The following NT5C2 variants were observed in gnomAD, a reference collection of about 807,000 sequenced individuals.
NT5C2 encodes the protein cytosolic purine 5'-nucleotidase.
Under a neutral mutation model 76.1 loss-of-function variants are expected in NT5C2, and 58 were observed. That is an observed-to-expected ratio of 0.76 (90% CI 0.62 to 0.95). The LOEUF is 0.95. Ranked by LOEUF, NT5C2 falls within the 40% of genes least tolerant of loss-of-function variation. The pLI is 0.00. For synonymous variants in NT5C2, 229 were observed against 237.4 expected (o/e 0.96, Z 0.32); for missense variants, 478 against 690.3 (o/e 0.69, Z 3.45).
intron 4 of NT5C2, chr10:103,111,731 A>G: frequency 8.1e-7 from 1 of 1,231,662 alleles, no homozygotes; most frequent in East Asian, 3.2e-5. Context: ...GCTGCTGCCA[A>G]AATGAGAACT....
chr10:103,144,034 G>C (rs1390328865), intron 3 of NT5C2, among the ~76,000 whole-genome samples: 1 of 152,032 alleles, frequency 6.6e-6, no homozygotes, highest in African/African-American at 2.4e-5. Flanking sequence ...ATATCACCCT[G>C]TTATTACTGA....
intron 2 of NT5C2, among the ~76,000 whole-genome samples, chr10:103,178,946 C>CTTTTTCTCT (rs1316454259): frequency 1.5e-5 from 2 of 136,198 alleles, no homozygotes; most frequent in African/African-American, 5.5e-5. Context: ...TTTCTTTTTT[C>CTTTTTCTCT]TTTTTTTCTT....
At chr10:103,092,497 G>A (rs1007585447) in intron 15 of NT5C2, among the ~76,000 whole-genome samples, 2 of 152,216 alleles carry the variant, frequency 1.3e-5, no homozygotes, top group Non-Finnish European at 2.9e-5. Context: ...TTCAAGTTAT[G>A]GAGCCAGGGC....
At chr10:103,107,276 A>G (rs2071537286) in intron 4 of NT5C2, among the ~76,000 whole-genome samples, 1 of 152,230 alleles carries the variant, frequency 6.6e-6, no homozygotes, top group African/African-American at 2.4e-5. Context: ...CAGCTCTAAC[A>G]ATGTATGCCA....
chr10:103,110,391 G>A (rs2072671726), intron 4 of NT5C2, among the ~76,000 whole-genome samples: 1 of 152,180 alleles, frequency 6.6e-6, no homozygotes, highest in East Asian at 1.9e-4. Flanking sequence ...AGGAGGCGGA[G>A]GTTGCAGTGA....
In NT5C2 at chr10:103,105,820, A is replaced by G. The variant is rs1484950981; in HGVS notation, c.294-19T>C. The G allele has an allele frequency of 6.6e-7, 1 of 1,521,060 alleles. No homozygotes were observed. The highest frequency in any genetic ancestry group is 9.1e-7 in the Non-Finnish European group (1 of 1,096,216). The allele number at this position is 1,521,060 out of a possible 1,614,324, so 94.2% of individuals were successfully genotyped here. A position where few individuals can be genotyped will look rare whatever the true frequency, so the allele number is the denominator to read the frequency against. On this transcript the variant is annotated intron_variant, in intron 5 of 18. Transcript: ENST00000404739. ...AAGTCCCCTATGTGAAAATGAAGAC[A>G]TTATTGATAATGCAAAGTAATACAG...
intron 12 of NT5C2, among the ~76,000 whole-genome samples, chr10:103,094,880 CA>C (rs35752695): frequency 2.9e-4 from 40 of 136,718 alleles, no homozygotes; most frequent in African/African-American, 8.7e-4. Flanking sequence ...GACTCCATCT[CA>C]AAAAAAAAAA....
At chr10:103,185,878 C>T (rs2135412410) in intron 1 of NT5C2, among the ~76,000 whole-genome samples, 1 of 152,122 alleles carries the variant, frequency 6.6e-6, no homozygotes, top group South Asian at 2.1e-4. Flanking sequence ...AGGTTTAGTC[C>T]ACCTATTTGG....
At chr10:103,108,634 A>G (rs1004710153) in intron 4 of NT5C2, among the ~76,000 whole-genome samples, 1 of 152,202 alleles carries the variant, frequency 6.6e-6, no homozygotes, top group African/African-American at 2.4e-5. Context: ...ACATTAATGT[A>G]TATCTATTTT....
At chr10:103,104,819 C>T (rs1371876976) in intron 6 of NT5C2, among the ~76,000 whole-genome samples, 1 of 152,162 alleles carries the variant, frequency 6.6e-6, no homozygotes, top group Non-Finnish European at 1.5e-5. Flanking sequence ...TCTTTTTAAA[C>T]ATTTCAATGT....
chr10:103,129,563 G>A (rs1198510275), intron 4 of NT5C2, among the ~76,000 whole-genome samples: 32 of 123,246 alleles, frequency 2.6e-4, no homozygotes, highest in Middle Eastern at 5.2e-3. Flanking sequence ...CGCCCCGTCC[G>A]GGAGGGAGGT....
chr10:103,094,361 C>T lies in NT5C2; in HGVS notation c.908G>A (p.Arg303His), dbSNP rs780974514. 10 of 1,596,096 alleles carry T rather than the reference C, an allele frequency of 6.3e-6. No homozygotes were observed. Among genetic ancestry groups the T allele is most frequent in the South Asian group, 2.2e-5 (2 of 90,680 alleles). Residue 303 changes from arginine to histidine, a missense_variant, in exon 13 of 19, where the codon CGT becomes CAT. Arg to His is a conservative substitution (Grantham distance 29). Transcript: ENST00000404739. ...PLFFGEGTVL[R>H]QVDTKTGKLK... is the part of the protein sequence containing the mutation. Reference sequence around the variant, plus strand: ...CTCATGACTTACAGTATCCACCTGACGCAGTACTGTGCCTTCTCCAAAAAA... The same window carrying T: ...CTCATGACTTACAGTATCCACCTGATGCAGTACTGTGCCTTCTCCAAAAAA...
At chr10:103,181,933 C>G (rs1031135437) in intron 1 of NT5C2, among the ~76,000 whole-genome samples, 1 of 151,836 alleles carries the variant, frequency 6.6e-6, no homozygotes, top group Admixed American at 6.6e-5. Context: ...CTTCTCCCAC[C>G]CGGGAGGCGG....
At chr10:103,191,427 A>C (rs1177774325) in intron 1 of NT5C2, among the ~76,000 whole-genome samples, 1 of 152,036 alleles carries the variant, frequency 6.6e-6, no homozygotes, top group Non-Finnish European at 1.5e-5. Context: ...TTAAAAAAAA[A>C]AACCTGTGTT....
chr10:103,107,684 T>A (rs903812548), intron 4 of NT5C2, among the ~76,000 whole-genome samples: 7 of 149,370 alleles, frequency 4.7e-5, no homozygotes, highest in Non-Finnish European at 7.4e-5. Flanking sequence ...AAAAAAAAAA[T>A]ATGCAAATGT....
intron 3 of NT5C2, among the ~76,000 whole-genome samples, chr10:103,167,396 A>G (rs2086665312): frequency 1.3e-5 from 2 of 152,164 alleles, no homozygotes; most frequent in Non-Finnish European, 2.9e-5. Context: ...TTCAATTTAC[A>G]AAGTGGCTAC....
At chr10:103,190,108 C>G (rs898008521) in intron 1 of NT5C2, among the ~76,000 whole-genome samples, 7 of 143,922 alleles carry the variant, frequency 4.9e-5, no homozygotes, top group African/African-American at 1.6e-4. Flanking sequence ...TCAAGCGATT[C>G]TCCTGCCTCA....
intron 1 of NT5C2, among the ~76,000 whole-genome samples, chr10:103,183,291 A>ATATATATATATATATATATATATC (rs1554841794): frequency 7.8e-6 from 1 of 128,146 alleles, no homozygotes; most frequent in Non-Finnish European, 1.6e-5. Flanking sequence ...ATATATATAT[A>ATATATATATATATATATATATATC]TATCACACAC....
At chr10:103,133,508 A>C (rs1245098826) in intron 4 of NT5C2, among the ~76,000 whole-genome samples, 1 of 152,096 alleles carries the variant, frequency 6.6e-6, no homozygotes, top group Non-Finnish European at 1.5e-5. Context: ...TGATCTGCCC[A>C]CTTCAACCTC....
Sources: gnomAD v4.1 joint callset for allele counts (sites outside exome capture counted in the v4.1 genomes callset) on GRCh38, gnomAD v4.1.1 for gene constraint, MANE v1.5 for transcripts, NCBI Gene and HGNC (gene_info 2026-07-23, HGNC 2026-07-21) for gene names.